Variants in SYNDIG1 observed in about 807,000 individuals in gnomAD.
SYNDIG1 encodes the protein synapse differentiation inducing 1.
SYNDIG1 carries 9 observed loss-of-function variants against 19.4 expected under a neutral mutation model. The observed-to-expected ratio is 0.46, with a 90% CI of 0.28 to 0.81. The LOEUF is 0.81. SYNDIG1 is among the 30% of genes least tolerant of loss of function. The pLI, the probability that SYNDIG1 is intolerant of heterozygous loss-of-function variation, is 0.12. For missense variants in SYNDIG1, 311 were observed against 343.3 expected (o/e 0.91, Z 0.74); for synonymous variants, 141 against 145.9 (o/e 0.97, Z 0.24).
intron 3 of SYNDIG1, among the ~76,000 whole-genome samples, chr20:24,628,776 C>T (rs1348388790): frequency 6.6e-6 from 1 of 152,176 alleles, no homozygotes; most frequent in Non-Finnish European, 1.5e-5. Flanking sequence ...ATGCATCGCG[C>T]TAGGGCTCTG....
At chr20:24,496,489 A>G (rs574006565) in intron 1 of SYNDIG1, among the ~76,000 whole-genome samples, 2 of 152,292 alleles carry the variant, frequency 1.3e-5, no homozygotes, top group Non-Finnish European at 1.5e-5. Context: ...TTCTAAAAGC[A>G]TGGGTTTCTA....
At chr20:24,609,696 C>T (rs12481129) in intron 3 of SYNDIG1, among the ~76,000 whole-genome samples, 33,556 of 152,108 alleles carry the variant, frequency 0.22, 4,337 homozygotes, top group Admixed American at 0.36. Context: ...GTATAGGAAA[C>T]TGGAAGGATG....
intron 1 of SYNDIG1, among the ~76,000 whole-genome samples, chr20:24,482,700 A>G (rs943675936): frequency 3.3e-5 from 5 of 152,226 alleles, no homozygotes; most frequent in African/African-American, 1.2e-4. Flanking sequence ...TGCAACTATT[A>G]TGATGTTCTT....
chr20:24,482,848 A>C (rs865862333), intron 1 of SYNDIG1, among the ~76,000 whole-genome samples: 1 of 152,220 alleles, frequency 6.6e-6, no homozygotes. Context: ...ATTTGTGTGA[A>C]TATGTTATTC....
At chr20:24,522,386 T>C (rs574630962) in intron 1 of SYNDIG1, among the ~76,000 whole-genome samples, 1 of 152,292 alleles carries the variant, frequency 6.6e-6, no homozygotes, top group East Asian at 1.9e-4. Flanking sequence ...CCCATGTACC[T>C]GGCCGCATCA....
intron 3 of SYNDIG1, among the ~76,000 whole-genome samples, chr20:24,653,828 C>T (rs533169467): frequency 3.9e-5 from 6 of 152,352 alleles, no homozygotes; most frequent in South Asian, 2.1e-4. Context: ...CTTCTTGCTG[C>T]GACTTCACGG....
intron 1 of SYNDIG1, among the ~76,000 whole-genome samples, chr20:24,483,087 C>G (rs1382746716): frequency 1.3e-5 from 2 of 152,192 alleles, no homozygotes; most frequent in African/African-American, 4.8e-5. Flanking sequence ...TGTAATGTTT[C>G]GGCTACACGT....
At chr20:24,589,977 G>A (rs138393705) in intron 3 of SYNDIG1, among the ~76,000 whole-genome samples, 1 of 152,340 alleles carries the variant, frequency 6.6e-6, no homozygotes, top group Non-Finnish European at 1.5e-5. Context: ...GCAGTGAACA[G>A]AGCAAACCAA....
At position 24,485,260 on chromosome 20, in the gene SYNDIG1, T is replaced by C. The variant is rs2055923696; in HGVS notation, c.-79+15507T>C. On this transcript the variant is annotated intron_variant, in intron 1 of 3. Transcript: ENST00000376862. ...AGTCTTAATTATTTTCCAATGTCTGTATATATTCTTAGTGTGTCATATTGT... is the reference window on the plus strand; with the variant it reads ...AGTCTTAATTATTTTCCAATGTCTGCATATATTCTTAGTGTGTCATATTGT... 2.0e-5 allele frequency among the ~76,000 whole-genome samples: 3 copies of C among 152,234 alleles called. No homozygotes were observed. The South Asian group carries it at 6.2e-4, about 31-fold the overall frequency.
At chr20:24,548,518 CAT>C (rs1367000160) in intron 2 of SYNDIG1, among the ~76,000 whole-genome samples, 1 of 152,196 alleles carries the variant, frequency 6.6e-6, no homozygotes, top group Non-Finnish European at 1.5e-5. Context: ...ACTCAACACA[CAT>C]GTGAAGAAAA....
At chr20:24,559,266 C>T (rs982129120) in intron 2 of SYNDIG1, among the ~76,000 whole-genome samples, 1 of 152,076 alleles carries the variant, frequency 6.6e-6, no homozygotes, top group Admixed American at 6.5e-5. Context: ...CACATGTTCA[C>T]CTCCTAAGTG....
chr20:24,656,106 G>T (rs2059523132), intron 3 of SYNDIG1, among the ~76,000 whole-genome samples: 1 of 152,174 alleles, frequency 6.6e-6, no homozygotes, highest in Non-Finnish European at 1.5e-5. Flanking sequence ...AGGCCTTGGG[G>T]GTTATACGGT....
intron 1 of SYNDIG1, among the ~76,000 whole-genome samples, chr20:24,481,886 A>G (rs913888459): frequency 2.6e-5 from 4 of 152,198 alleles, no homozygotes; most frequent in African/African-American, 9.7e-5. Flanking sequence ...TAGAAGCATG[A>G]ATAAATTCAG....
intron 3 of SYNDIG1, among the ~76,000 whole-genome samples, chr20:24,642,077 G>A (rs1221668671): frequency 6.6e-6 from 1 of 152,194 alleles, no homozygotes; most frequent in Non-Finnish European, 1.5e-5. Flanking sequence ...TTTACCTAAT[G>A]TCCTTTTTCT....
chr20:24,554,167 C>G (rs1305238124), intron 2 of SYNDIG1, among the ~76,000 whole-genome samples: 1 of 152,168 alleles, frequency 6.6e-6, no homozygotes, highest in Non-Finnish European at 1.5e-5. Context: ...TATCCTGAGA[C>G]TTTGCTGAAG....
At position 24,469,708 on chromosome 20, in the gene SYNDIG1, G is replaced by A; in HGVS notation, c.-124G>A. ...GCACGCTCGCTCGCTCGGGAGAGTC[G>A]CGGGCGGCCGCTTGGGCGCACTTGC... On this transcript the variant is annotated 5_prime_UTR_variant, in exon 1 of 4. Coordinates refer to ENST00000376862, the MANE Select transcript of SYNDIG1 (RefSeq NM_024893.3). 1 of 152,072 alleles carries A rather than the reference G, an allele frequency of 6.6e-6. No individual in the cohort carries two copies. The highest frequency in any genetic ancestry group is 1.5e-5 in the Non-Finnish European group (1 of 68,096). 9.4% of individuals were successfully genotyped at this position (152,072 alleles called of 1,614,324 possible). A position where few individuals can be genotyped will look rare whatever the true frequency, so the allele number is the denominator to read the frequency against.
At chr20:24,550,050 C>T (rs748930117) in intron 2 of SYNDIG1, among the ~76,000 whole-genome samples, 2 of 152,108 alleles carry the variant, frequency 1.3e-5, no homozygotes, top group African/African-American at 2.4e-5. Flanking sequence ...TGTAGGCATG[C>T]GGGCCAAAAT....
At chr20:24,624,569 A>G (rs1193412034) in intron 3 of SYNDIG1, among the ~76,000 whole-genome samples, 2 of 149,432 alleles carry the variant, frequency 1.3e-5, no homozygotes, top group African/African-American at 2.6e-5. Context: ...TAGAAATGAA[A>G]GAAGAAGATA....
chr20:24,632,789 T>C (rs1008920642), intron 3 of SYNDIG1, among the ~76,000 whole-genome samples: 1 of 152,176 alleles, frequency 6.6e-6, no homozygotes, highest in Non-Finnish European at 1.5e-5. Context: ...TAATTGTGGC[T>C]TTACAAGGAA....
Sources: gnomAD v4.1 joint callset for allele counts (sites outside exome capture counted in the v4.1 genomes callset) on GRCh38, gnomAD v4.1.1 for gene constraint, MANE v1.5 for transcripts, NCBI Gene and HGNC (gene_info 2026-07-23, HGNC 2026-07-21) for gene names.